DUS2: variants seen among roughly 807,000 people sequenced by gnomAD.
DUS2 encodes the protein tRNA-dihydrouridine(20) synthase [NAD(P)+]-like.
Under a neutral mutation model 71.3 loss-of-function variants are expected in DUS2, and 52 were observed. The observed-to-expected ratio is 0.73, with a 90% confidence interval of 0.58 to 0.92. The LOEUF is 0.92. DUS2 is among the 40% of genes least tolerant of loss of function. DUS2 has a pLI of 0.00. For missense variants in DUS2, 558 were observed against 622.6 expected, an observed-to-expected ratio of 0.90 and a Z score of 1.10; for synonymous variants, 204 against 227.8, an observed-to-expected ratio of 0.90 and a Z score of 0.94.
chr16:68,049,280 A>G (rs1394841151), intron 3 of DUS2, among the ~76,000 whole-genome samples: 1 of 152,096 alleles, frequency 6.6e-6, no homozygotes, highest in Admixed American at 6.6e-5. Context: ...GGCCCCAACC[A>G]TCTCCAAGTT....
chr16:68,046,207 G>A (rs1286014867), intron 3 of DUS2, among the ~76,000 whole-genome samples: 1 of 151,992 alleles, frequency 6.6e-6, no homozygotes, highest in Admixed American at 6.6e-5. Flanking sequence ...TCTGCTTCCT[G>A]CCTTTTGAAG....
At chr16:68,076,431 C>G (rs1158650851) in intron 14 of DUS2, among the ~76,000 whole-genome samples, 1 of 152,130 alleles carries the variant, frequency 6.6e-6, no homozygotes, top group Non-Finnish European at 1.5e-5. Flanking sequence ...TTCATCTTCC[C>G]TTTAGGGAGA....
intron 6 of DUS2, among the ~76,000 whole-genome samples, chr16:68,055,775 A>G (rs1415069233): frequency 6.6e-6 from 1 of 150,470 alleles, no homozygotes. Flanking sequence ...ATCACGGACT[A>G]TTAACTATGT....
At chr16:68,034,056 C>T (rs2033480971) in intron 2 of DUS2, among the ~76,000 whole-genome samples, 1 of 151,494 alleles carries the variant, frequency 6.6e-6, no homozygotes, top group African/African-American at 2.4e-5. Flanking sequence ...GCGTGAGGCA[C>T]CTTGCCTGGC....
At chr16:68,046,789 G>A (rs1184505375) in intron 3 of DUS2, among the ~76,000 whole-genome samples, 1 of 149,804 alleles carries the variant, frequency 6.7e-6, no homozygotes, top group Non-Finnish European at 1.5e-5. Context: ...CTCTGTCGCC[G>A]AGGCTGGAGT....
At chr16:68,054,757 G>T in intron 6 of DUS2, 140 bp downstream of exon 6, 3 of 1,062,186 alleles carry the variant, frequency 2.8e-6, no homozygotes, top group East Asian at 4.9e-5. Context: ...AGAGTGCCTG[G>T]TTTCCAGCCA....
At chr16:68,073,062 G>A (rs919723201) in intron 12 of DUS2, among the ~76,000 whole-genome samples, 4 of 152,152 alleles carry the variant, frequency 2.6e-5, no homozygotes, top group African/African-American at 9.7e-5. Context: ...GCCAGAATTT[G>A]GTGTGTTTCC....
chr16:68,038,226 GAGTT>G (rs1421294332), intron 3 of DUS2, 77 bp downstream of exon 3: 1 of 1,579,602 alleles, frequency 6.3e-7, no homozygotes, highest in African/African-American at 1.4e-5. Flanking sequence ...GAGTGGTCAG[GAGTT>G]AGTGGGGACA....
chr16:68,049,526 AT>A lies in DUS2; in HGVS notation c.150del (p.Gln51SerfsTer53). 1 of 1,614,188 alleles carries A rather than the reference AT, an allele frequency of 6.2e-7. No individual in the cohort carries two copies. The highest frequency in any genetic ancestry group is 8.5e-7 in the Non-Finnish European group (1 of 1,180,020). On this transcript the variant is annotated frameshift_variant, in exon 4 of 17. Coordinates refer to ENST00000565263, the MANE Select transcript of DUS2 (RefSeq NM_017803.5). LOFTEE classifies it high-confidence loss of function. The part of the protein sequence containing the change: ...YCEELIDLKM[I>X]QCKRVVNEVL... ...GCAGGAGCTGATCGACCTCAAGATG[AT>A]TCAGTGCAAGAGAGTTGTTAATGGT...
At chr16:68,037,073 T>C (rs1000495184) in intron 2 of DUS2, among the ~76,000 whole-genome samples, 6 of 151,972 alleles carry the variant, frequency 3.9e-5, no homozygotes, top group African/African-American at 1.5e-4. Context: ...CTATACTCTC[T>C]GGCTAGAATG....
intron 4 of DUS2, among the ~76,000 whole-genome samples, chr16:68,051,960 G>A (rs1244007034): frequency 6.6e-6 from 1 of 152,144 alleles, no homozygotes; most frequent in East Asian, 1.9e-4. Context: ...GTGCAGTGGC[G>A]TGATCTTGGC....
chr16:68,054,614 TTG>T lies in DUS2; in HGVS notation c.308+1_308+2del, dbSNP rs1403505511. On this transcript the variant is annotated frameshift_variant and splice_region_variant, in exon 6 of 17. Transcript: ENST00000565263. LOFTEE classifies it high-confidence loss of function. Reference sequence around the variant, plus strand: ...GAGCGAGCCCTTGCTGTGGCCAGGCTTGTGTAAGTTCATCCTCTGTCTTTAGC... The same window carrying T: ...GAGCGAGCCCTTGCTGTGGCCAGGCTTGTAAGTTCATCCTCTGTCTTTAGC... 1.2e-6 allele frequency: 2 copies of T among 1,614,206 alleles called. No individual in the cohort carries two copies. The highest frequency in any genetic ancestry group is 1.7e-6 in the Non-Finnish European group (2 of 1,180,032).
At chr16:68,039,421 AT>A (rs1201982856) in intron 3 of DUS2, among the ~76,000 whole-genome samples, 36 of 146,536 alleles carry the variant, frequency 2.5e-4, no homozygotes, top group Middle Eastern at 3.5e-3. Flanking sequence ...CCCTGTTTCT[AT>A]TTTTTTTTTT....
intron 2 of DUS2, among the ~76,000 whole-genome samples, chr16:68,030,886 A>G (rs1054362417): frequency 2.0e-4 from 30 of 151,946 alleles, no homozygotes; most frequent in African/African-American, 7.0e-4. Context: ...GGCACCTTCC[A>G]TCACTCCTGG....
chr16:68,048,852 T>C (rs1430586066), intron 3 of DUS2, among the ~76,000 whole-genome samples: 1 of 152,172 alleles, frequency 6.6e-6, no homozygotes, highest in Non-Finnish European at 1.5e-5. Context: ...CAGTCTTGTC[T>C]CCAACTAAGA....
intron 2 of DUS2, among the ~76,000 whole-genome samples, chr16:68,037,428 T>A (rs1598301814): frequency 6.6e-6 from 1 of 150,496 alleles, no homozygotes; most frequent in South Asian, 2.1e-4. Flanking sequence ...TTTTTTTTTT[T>A]TTTTTTGAGA....
intron 7 of DUS2, among the ~76,000 whole-genome samples, chr16:68,060,758 G>T (rs1430292443): frequency 6.6e-6 from 1 of 151,968 alleles, no homozygotes; most frequent in African/African-American, 2.4e-5. Context: ...AGAGGAAGGA[G>T]AATCACTTGA....
chr16:68,064,382 C>T (rs556831078), intron 8 of DUS2, among the ~76,000 whole-genome samples: 2 of 152,298 alleles, frequency 1.3e-5, no homozygotes, highest in South Asian at 4.1e-4. Context: ...TACCTAATTT[C>T]CTTCCTAGTC....
intron 3 of DUS2, among the ~76,000 whole-genome samples, chr16:68,042,640 G>A (rs1276520448): frequency 6.6e-6 from 1 of 152,032 alleles, no homozygotes; most frequent in East Asian, 1.9e-4. Flanking sequence ...CTCCTGAGTA[G>A]CTGGGACTAC....
Sources: allele counts gnomAD v4.1 joint callset (sites outside exome capture counted in the v4.1 genomes callset), GRCh38; gene constraint gnomAD v4.1.1; transcripts MANE v1.5; gene names NCBI Gene and HGNC (gene_info 2026-07-23, HGNC 2026-07-21).